Variants in CUX1 observed in about 807,000 individuals in gnomAD.
CUX1 encodes the protein cut like homeobox 1.
In CUX1, 31 loss-of-function variants were observed where a neutral mutation model predicts 158.8. The observed-to-expected ratio is 0.20, with a 90% CI of 0.15 to 0.26. CUX1 has a LOEUF of 0.26. Ranked by LOEUF, CUX1 falls within the 10% of genes least tolerant of loss-of-function variation. CUX1 has a pLI of 1.00. For missense variants in CUX1, 1,589 were observed against 2,014.6 expected, an observed-to-expected ratio of 0.79 and a Z score of 4.04; for synonymous variants, 879 against 862.1, an observed-to-expected ratio of 1.02 and a Z score of -0.34.
At chr7:101,961,146 C>T (rs1810433288) in intron 2 of CUX1, 1 of 152,182 alleles carries the variant, frequency 6.6e-6, no homozygotes, top group African/African-American at 2.4e-5. Context: ...ACAGGCTGGC[C>T]ATGAGGAGAG....
At chr7:102,048,882 C>T (rs541246026) in intron 3 of CUX1, among the ~76,000 whole-genome samples, 7 of 152,230 alleles carry the variant, frequency 4.6e-5, no homozygotes, top group Middle Eastern at 6.8e-3. Flanking sequence ...TTGACTGTTT[C>T]AGCCTGGGTG....
At chr7:102,196,248 G>A (rs1307191514) in intron 14 of CUX1, among the ~76,000 whole-genome samples, 9 of 152,228 alleles carry the variant, frequency 5.9e-5, no homozygotes, top group African/African-American at 2.2e-4. Flanking sequence ...GAATCCATTG[G>A]TCCTAAAATG....
At chr7:101,947,416 A>G (rs949391964) in intron 2 of CUX1, among the ~76,000 whole-genome samples, 1 of 152,028 alleles carries the variant, frequency 6.6e-6, no homozygotes, top group African/African-American at 2.4e-5. Flanking sequence ...CGAAAAAACC[A>G]CCTCACTATT....
chr7:102,199,829 G>A (rs1795214562), intron 16 of CUX1, among the ~76,000 whole-genome samples: 1 of 152,178 alleles, frequency 6.6e-6, no homozygotes, highest in South Asian at 2.1e-4. Flanking sequence ...ACTAACCCAC[G>A]GGTGGTGTCC....
At chr7:102,021,614 CTTT>C (rs67147187) in intron 2 of CUX1, among the ~76,000 whole-genome samples, 2,205 of 109,342 alleles carry the variant, frequency 0.02, 60 homozygotes, top group African/African-American at 0.06. Flanking sequence ...TTTTTTTTCT[CTTT>C]TTTTTTTTTT....
At chr7:102,211,342 A>G (rs1407452800) in intron 20 of CUX1, among the ~76,000 whole-genome samples, 1 of 152,062 alleles carries the variant, frequency 6.6e-6, no homozygotes, top group Non-Finnish European at 1.5e-5. Flanking sequence ...GCTACTCAGG[A>G]GGCTGAGGCA....
intron 14 of CUX1, among the ~76,000 whole-genome samples, chr7:102,265,171 C>A (rs1790709117): frequency 6.6e-6 from 1 of 152,170 alleles, no homozygotes; most frequent in East Asian, 1.9e-4. Context: ...GCCTGGCCAA[C>A]ATGAAGAAAC....
intron 2 of CUX1, chr7:101,932,500 T>C (rs1806401028): frequency 7.0e-6 from 3 of 427,348 alleles, no homozygotes; most frequent in Non-Finnish European, 1.4e-5. Flanking sequence ...TTCAAGCCTT[T>C]TCTTGAGATC....
chr7:102,060,321 T>A (rs1027957617), intron 3 of CUX1, among the ~76,000 whole-genome samples: 2 of 151,888 alleles, frequency 1.3e-5, no homozygotes, highest in Non-Finnish European at 2.9e-5. Flanking sequence ...TCCAGGACTT[T>A]CCACATCTTG....
intron 9 of CUX1, among the ~76,000 whole-genome samples, chr7:102,169,823 A>G (rs553572169): frequency 1.4e-4 from 21 of 152,300 alleles, no homozygotes; most frequent in African/African-American, 3.8e-4. Context: ...GCACTGGTCT[A>G]TGCTGTCCTG....
At chr7:102,062,129 C>G (rs577412987) in intron 3 of CUX1, among the ~76,000 whole-genome samples, 98 of 152,306 alleles carry the variant, frequency 6.4e-4, no homozygotes, top group African/African-American at 2.3e-3. Context: ...TCTTAATGCT[C>G]AGATAAGACA....
intron 2 of CUX1, among the ~76,000 whole-genome samples, chr7:101,967,220 G>A (rs1324924242): frequency 6.6e-6 from 1 of 151,992 alleles, no homozygotes; most frequent in East Asian, 1.9e-4. Context: ...TCACCATGTT[G>A]GCCAGGCTGG....
At chr7:102,238,834 T>C (rs1554533790) in intron 22 of CUX1, among the ~76,000 whole-genome samples, 1 of 152,238 alleles carries the variant, frequency 6.6e-6, no homozygotes, top group African/African-American at 2.4e-5. Context: ...AGGTCCTTGG[T>C]GAGCATGTGC....
chr7:102,198,095 C>CA (rs1359813855), intron 15 of CUX1, among the ~76,000 whole-genome samples: 5 of 152,042 alleles, frequency 3.3e-5, no homozygotes, highest in Admixed American at 6.5e-5. Context: ...TTTTGATCTA[C>CA]AAAAAAATCA....
intron 20 of CUX1, chr7:102,280,956 C>A (rs910127929): frequency 4.3e-6 from 5 of 1,156,086 alleles, no homozygotes; most frequent in South Asian, 1.3e-5. Flanking sequence ...GCTGGAGGAG[C>A]CGCCAGCCCT....
chr7:102,037,795 C>G lies in CUX1; in HGVS notation c.189+9650C>G, dbSNP rs1585369840. On this transcript the variant is annotated intron_variant, in intron 3 of 23. Coordinates refer to ENST00000292535, the MANE Select transcript of CUX1 (RefSeq NM_181552.4). ...CATGGCCGGGTGTGGTGGCTCATGC[C>G]TGTAATCTCAGCACTTTGGGAGGCT... 2.0e-5 allele frequency among the ~76,000 whole-genome samples: 3 copies of G among 152,138 alleles called. No individual in the cohort carries two copies. In the East Asian group the frequency reaches 5.8e-4, roughly 30 times the overall value.
At chr7:101,861,933 C>G (rs960831299) in intron 1 of CUX1, among the ~76,000 whole-genome samples, 1 of 152,104 alleles carries the variant, frequency 6.6e-6, no homozygotes, top group African/African-American at 2.4e-5. Context: ...CTCCCGGGTT[C>G]AAGCGATTCT....
intron 2 of CUX1, among the ~76,000 whole-genome samples, chr7:101,976,900 A>AT (rs10643207): frequency 0.45 from 17,666 of 39,296 alleles, 6,654 homozygotes; most frequent in Non-Finnish European, 0.55. Context: ...TCCCTTTCTG[A>AT]TTTTTTTTTT....
chr7:102,003,295 A>AACACAC (rs56760446), intron 2 of CUX1, among the ~76,000 whole-genome samples: 8,353 of 131,786 alleles, frequency 0.063, 333 homozygotes, highest in East Asian at 0.14. Context: ...CCTGGTGCCG[A>AACACAC]ACACACACAC....
Sources: allele counts gnomAD v4.1 joint callset (sites outside exome capture counted in the v4.1 genomes callset), GRCh38; gene constraint gnomAD v4.1.1; transcripts MANE v1.5; gene names NCBI Gene and HGNC (gene_info 2026-07-23, HGNC 2026-07-21).